PPP1R12C: variants seen among roughly 807,000 people sequenced by gnomAD.
PPP1R12C encodes the protein leukocyte receptor cluster (LRC) encoded novel gene 3.
A neutral mutation model predicts 95.6 loss-of-function variants in PPP1R12C; 48 were observed. The ratio of observed to expected loss-of-function variants is 0.50; its 90% CI spans 0.40 to 0.64. PPP1R12C has a LOEUF of 0.64. Among genes scored for constraint, PPP1R12C ranks in the 30% least tolerant of loss-of-function variants. The pLI is 0.00. For missense variants in PPP1R12C, 1,057 were observed against 1,083.3 expected, an observed-to-expected ratio of 0.98 and a Z score of 0.34; for synonymous variants, 480 against 460.8, an observed-to-expected ratio of 1.04 and a Z score of -0.53.
chr19:55,095,411 G>A (rs2084899346), intron 10 of PPP1R12C, 34 bp downstream of exon 10: 3 of 1,562,490 alleles, frequency 1.9e-6, no homozygotes, highest in Admixed American at 1.9e-5. Flanking sequence ...CTGGGCAGGG[G>A]CCTGGGCCTG....
intron 20 of PPP1R12C, 60 bp downstream of exon 20, chr19:55,091,799 A>G (rs376897813): frequency 2.2e-4 from 357 of 1,611,640 alleles, no homozygotes; most frequent in Non-Finnish European, 2.9e-4. Context: ...CCCTTGGTCC[A>G]AACTTAGGGA....
chr19:55,097,038 G>A, intron 6 of PPP1R12C: 2 of 239,240 alleles, frequency 8.4e-6, no homozygotes, highest in Non-Finnish European at 1.5e-5. Context: ...CCTTCTCCGC[G>A]CAGTTCACCA....
In PPP1R12C at chr19:55,109,081, G is replaced by A. The variant is rs998247299; in HGVS notation, c.571+3386C>T. On this transcript the variant is annotated intron_variant, in intron 3 of 21. Transcript: ENST00000263433. The surrounding 1 kb of genome is among the most constrained non-coding windows in gnomAD (Gnocchi z 4.4). ...CTCCTACCTCTGGGCTATTGTGAAC[G>A]ATGCTATGAACACGGGTATATAAAT... 4.6e-5 allele frequency among the ~76,000 whole-genome samples: 7 copies of A among 152,168 alleles called. No homozygotes were observed. The highest frequency in any genetic ancestry group is 8.8e-5 in the Non-Finnish European group (6 of 68,034).
chr19:55,091,804 T>C, intron 20 of PPP1R12C, 55 bp downstream of exon 20: 1 of 1,611,408 alleles, frequency 6.2e-7, no homozygotes, highest in African/African-American at 1.3e-5. Context: ...GGTCCAAACT[T>C]AGGGATGTGA....
chr19:55,103,632 C>T, intron 3 of PPP1R12C, 64 bp from the exon 4 acceptor site: 5 of 1,425,962 alleles, frequency 3.5e-6, no homozygotes, highest in Non-Finnish European at 4.7e-6. Context: ...CAGGGTCATA[C>T]ACTGGGCTGG....
chr19:55,092,830 C>A lies in PPP1R12C; in HGVS notation c.1864G>T (p.Ala622Ser), dbSNP rs867747001. Residue 622 changes from alanine (A) to serine (S), a missense_variant, in exon 16 of 22, where the codon GCC (alanine) becomes TCC (serine). Around this residue, in one of 5 missense-constraint regions of PPP1R12C, gnomAD observed 347 missense variants for 307.9 expected, o/e 1.13. Coordinates refer to ENST00000263433, the MANE Select transcript of PPP1R12C (RefSeq NM_017607.4). ...TTTCCGACCTTGCGGTGCTCCCTGG[C>A]CGCCTGCGGTCCCGGACCCTGCCCG... ...PDGQGPGPQA[A>S]REHRKVGKEW... 1 of 1,567,536 alleles carries A rather than the reference C, an allele frequency of 6.4e-7. No individual in the cohort carries two copies. The highest frequency in any genetic ancestry group is 1.4e-5 in the African/African-American group (1 of 73,774).
intron 3 of PPP1R12C, among the ~76,000 whole-genome samples, chr19:55,104,538 C>T (rs1231250138): frequency 6.6e-6 from 1 of 151,318 alleles, no homozygotes; most frequent in Non-Finnish European, 1.5e-5. Flanking sequence ...CCGTGTCTCT[C>T]CTAAAAATAC....
intron 1 of PPP1R12C, among the ~76,000 whole-genome samples, chr19:55,115,739 T>C (rs1320647570): frequency 1.3e-5 from 2 of 152,176 alleles, no homozygotes; most frequent in African/African-American, 4.8e-5. Flanking sequence ...AGGATGGGGC[T>C]TTTCTGTCAC....
chr19:55,112,839 G>A (rs754275903), intron 1 of PPP1R12C, 44 bp from the exon 2 acceptor site: 19 of 1,606,060 alleles, frequency 1.2e-5, no homozygotes, highest in South Asian at 2.2e-5. Context: ...CCCCAGCCAC[G>A]GTGTCCCAGC....
intron 1 of PPP1R12C, chr19:55,115,113 G>C (rs546503336): frequency 6.6e-6 from 1 of 152,336 alleles, no homozygotes; most frequent in Non-Finnish European, 1.5e-5. Flanking sequence ...ATATGTCCCA[G>C]ATAGCACTGG....
chr19:55,103,052 G>A (rs545318340), intron 4 of PPP1R12C, among the ~76,000 whole-genome samples: 28 of 152,250 alleles, frequency 1.8e-4, no homozygotes, highest in African/African-American at 6.7e-4. Context: ...AATTAGCGGG[G>A]CATGGTGGTG....
intron 6 of PPP1R12C, among the ~76,000 whole-genome samples, chr19:55,096,687 C>T (rs1156643202): frequency 6.6e-6 from 1 of 152,068 alleles, no homozygotes; most frequent in African/African-American, 2.4e-5. Flanking sequence ...CTCAGCTGCC[C>T]CGGCTCCTGC....
rs1330344818 is a variant in PPP1R12C, at chr19:55,092,642, A to AGCCGGC, written c.1926_1931dup (p.Pro643_Ala644dup). On this transcript the variant is annotated inframe_insertion, in exon 17 of 22. Coordinates refer to ENST00000263433, the MANE Select transcript of PPP1R12C (RefSeq NM_017607.4). ...CCTACCTGGACTCCTGGCTGCGGTC[A>AGCCGGC]GCCGGCTCCGCCTCCTCCCCCTGTG... is the stretch of plus-strand genomic sequence containing the variant. 2 of 1,530,272 alleles carry AGCCGGC rather than the reference A, an allele frequency of 1.3e-6. No homozygotes were observed. Among genetic ancestry groups the AGCCGGC allele is most frequent in the African/African-American group, 2.7e-5 (2 of 72,812 alleles). 94.8% of individuals were successfully genotyped at this position (1,530,272 alleles called of 1,614,324 possible).
intron 3 of PPP1R12C, among the ~76,000 whole-genome samples, chr19:55,108,737 C>T (rs1433963703): frequency 1.3e-5 from 2 of 152,090 alleles, no homozygotes; most frequent in Non-Finnish European, 2.9e-5. Flanking sequence ...GACACAGTTT[C>T]CTCTTGTTGC....
rs376539716 is a variant in PPP1R12C, at chr19:55,091,567, C to G, written c.2263-9G>C. ...CGGAGGTCAGACAGGGCCTGGGGGA[C>G]GGCAAGGGTCAGCTGGGCAGCCCTG... On this transcript the variant is annotated splice_polypyrimidine_tract_variant and intron_variant, in intron 21 of 21. Coordinates refer to ENST00000263433, the MANE Select transcript of PPP1R12C (RefSeq NM_017607.4). 1 of 1,612,958 alleles carries G rather than the reference C, an allele frequency of 6.2e-7. No homozygotes were observed. Among genetic ancestry groups the G allele is most frequent in the Non-Finnish European group, 8.5e-7 (1 of 1,179,790 alleles).
At position 55,098,986 on chromosome 19, in the gene PPP1R12C, C is replaced by T. The variant is rs754114232; in HGVS notation, c.841G>A (p.Glu281Lys). 13 of 1,564,454 alleles carry T rather than the reference C, an allele frequency of 8.3e-6. 1 individual carries two copies. In the Middle Eastern group the frequency reaches 5.1e-4, roughly 62 times the overall value. ...AGTGAGTCCATGCCCCCGCCATGCT[C>T]GGCCAGCAGGCGGCAGGCATCCTCC... ...GVEDACRLLA[E>K]HGGGMDSLTH... Residue 281 changes from glutamate (E) to lysine (K), a missense_variant, in exon 5 of 22, where the codon GAG becomes AAG. Around this residue, in one of 5 missense-constraint regions of PPP1R12C, gnomAD observed 282 missense variants for 380.4 expected, o/e 0.74. Coordinates refer to ENST00000263433, the MANE Select transcript of PPP1R12C (RefSeq NM_017607.4).
intron 5 of PPP1R12C, 31 bp downstream of exon 5, chr19:55,098,920 G>T: frequency 6.2e-7 from 1 of 1,604,364 alleles, no homozygotes; most frequent in Non-Finnish European, 8.5e-7. Context: ...CCCACGCCCT[G>T]CCCCTCACCA....
At chr19:55,096,451 G>T in intron 6 of PPP1R12C, 116 bp from the exon 7 acceptor site, 1 of 1,251,078 alleles carries the variant, frequency 8.0e-7, no homozygotes, top group Non-Finnish European at 1.1e-6. Flanking sequence ...AGGGCTCGTG[G>T]GCTTACTGGT....
intron 6 of PPP1R12C, 127 bp downstream of exon 6, chr19:55,098,657 G>A (rs1157461429): frequency 1.3e-5 from 15 of 1,197,430 alleles, no homozygotes; most frequent in Non-Finnish European, 1.8e-5. Context: ...GGGTCACCAA[G>A]AGGGAAATAG....
Sources: gnomAD v4.1 joint callset for allele counts (sites outside exome capture counted in the v4.1 genomes callset) on GRCh38, gnomAD v4.1.1 for gene constraint, gnomAD v4.1.1 regional missense constraint, Gnocchi (gnomAD v3.1) non-coding constraint, MANE v1.5 for transcripts, NCBI Gene and HGNC (gene_info 2026-07-23, HGNC 2026-07-21) for gene names.